Variants in INO80 observed in about 807,000 individuals in gnomAD.
The protein encoded by INO80 is INO80 complex ATPase subunit.
INO80 carries 20 observed loss-of-function variants against 203.4 expected under a neutral mutation model. The ratio of observed to expected loss-of-function variants is 0.10; its 90% CI spans 0.07 to 0.14. The LOEUF is 0.14. INO80 is among the 10% of genes least tolerant of loss of function. INO80 has a pLI of 1.00. For missense variants in INO80, 1,419 were observed against 1,914.4 expected, an observed-to-expected ratio of 0.74 and a Z score of 4.83; for synonymous variants, 726 against 685.2, an observed-to-expected ratio of 1.06 and a Z score of -0.93.
chr15:40,983,829 T>A lies in INO80; in HGVS notation c.4170A>T (p.Ser1390=), dbSNP rs1308242339. The A allele has an allele frequency of 3.1e-6, 5 of 1,613,004 alleles. No individual in the cohort carries two copies. In the South Asian group the frequency reaches 5.5e-5, roughly 18 times the overall value. ...MLVIVDDPAS[S]APQSRATNSP... Reference sequence around the variant, plus strand: ...AGTTGGTAGCTCGAGACTGAGGGGCTGAGGAGGCTGGGTCATCCACAATGA... The same window carrying A: ...AGTTGGTAGCTCGAGACTGAGGGGCAGAGGAGGCTGGGTCATCCACAATGA... The change falls in exon 34 of 36, where the codon TCA becomes TCT. Residue 1390 remains serine, a synonymous_variant. Coordinates refer to ENST00000648947, the MANE Select transcript of INO80 (RefSeq NM_017553.3).
Position 41,027,640 on chromosome 15 carries a change from G to A in INO80, c.3004C>T (p.Leu1002=). The A allele has an allele frequency of 6.2e-7, 1 of 1,614,038 alleles. No individual in the cohort carries two copies. Among genetic ancestry groups the A allele is most frequent in the African/African-American group, 1.3e-5 (1 of 75,064 alleles). ...AAAAAAGATGGCAGCTCAGTGAGCA[G>A]GCAGCGACGCAGCGAGGAGGTAGCT... The part of the protein sequence containing the change: ...RSATSSLRRC[L]LTELPSFLCV... The change falls in exon 25 of 36, where the codon CTG becomes TTG. Residue 1002 remains leucine, a synonymous_variant. Transcript: ENST00000648947.
At chr15:40,997,498 A>C in intron 29 of INO80, 31 bp downstream of exon 29, 1 of 1,419,086 alleles carries the variant, frequency 7.0e-7, no homozygotes, top group South Asian at 1.1e-5. Flanking sequence ...GAAAACCTGC[A>C]TATCTAGTTG....
chr15:40,997,643 G>C, intron 28 of INO80, 42 bp from the exon 29 acceptor site: 1 of 1,306,348 alleles, frequency 7.7e-7, no homozygotes, highest in Non-Finnish European at 1.1e-6. Context: ...AAACTGAAAA[G>C]AAAAAATGGC....
chr15:41,047,879 T>C (rs1477796854), intron 22 of INO80, among the ~76,000 whole-genome samples: 2 of 152,200 alleles, frequency 1.3e-5, no homozygotes, highest in African/African-American at 2.4e-5. Flanking sequence ...AGTAGCTTCT[T>C]TTCCTTAGGC....
chr15:41,046,355 G>T (rs2044767433), intron 23 of INO80, among the ~76,000 whole-genome samples: 1 of 149,488 alleles, frequency 6.7e-6, no homozygotes, highest in African/African-American at 2.5e-5. Flanking sequence ...TCGGCCTCCT[G>T]AGTAGCTGAA....
At chr15:41,034,593 T>C (rs1441118802) in intron 24 of INO80, among the ~76,000 whole-genome samples, 1 of 152,188 alleles carries the variant, frequency 6.6e-6, no homozygotes, top group Admixed American at 6.5e-5. Context: ...AATGAAAAAT[T>C]TTCTGCCTTA....
chr15:41,046,196 C>T (rs954934969), intron 23 of INO80, among the ~76,000 whole-genome samples: 7 of 58,996 alleles, frequency 1.2e-4, no homozygotes, highest in African/African-American at 3.1e-4. Context: ...TCTCTGTGTG[C>T]GTATACATAC....
intron 24 of INO80, among the ~76,000 whole-genome samples, chr15:41,042,756 G>C (rs1172979068): frequency 6.6e-6 from 1 of 151,968 alleles, no homozygotes; most frequent in Non-Finnish European, 1.5e-5. Context: ...TTACAGGTGT[G>C]AGCCACCACG....
chr15:41,060,683 C>T (rs530486812), intron 14 of INO80, among the ~76,000 whole-genome samples: 1 of 152,298 alleles, frequency 6.6e-6, no homozygotes, highest in Admixed American at 6.5e-5. Flanking sequence ...GTAGTAGTAA[C>T]AGTAAATCAT....
chr15:41,047,759 G>C (rs1419238205), intron 22 of INO80, among the ~76,000 whole-genome samples: 1 of 152,196 alleles, frequency 6.6e-6, no homozygotes, highest in Non-Finnish European at 1.5e-5. Context: ...ATTTTTGGAT[G>C]CTTGCCTAAA....
chr15:41,086,353 A>C (rs1389907038), intron 6 of INO80, among the ~76,000 whole-genome samples: 2 of 152,132 alleles, frequency 1.3e-5, no homozygotes, highest in Non-Finnish European at 2.9e-5. Context: ...CTTTTTGAGT[A>C]CAATTCATAC....
chr15:40,998,421 G>T (rs917392832), intron 28 of INO80, among the ~76,000 whole-genome samples: 3 of 152,100 alleles, frequency 2.0e-5, no homozygotes. Context: ...TTGAATTTAG[G>T]ATCAGTCCAT....
intron 12 of INO80, 89 bp downstream of exon 12, chr15:41,071,760 C>T (rs376931715): frequency 8.1e-7 from 1 of 1,235,612 alleles, no homozygotes. Flanking sequence ...CGCGCTCAGC[C>T]AGATCTTGTA....
At chr15:41,060,257 G>T (rs2045077599) in intron 14 of INO80, among the ~76,000 whole-genome samples, 1 of 152,150 alleles carries the variant, frequency 6.6e-6, no homozygotes, top group African/African-American at 2.4e-5. Context: ...AAAAGTTCTA[G>T]TTGAGAGGGT....
intron 28 of INO80, 71 bp from the exon 29 acceptor site, chr15:40,997,672 A>C: frequency 2.1e-6 from 2 of 960,230 alleles, no homozygotes; most frequent in Non-Finnish European, 1.7e-6. Flanking sequence ...ATAGAGAGAG[A>C]TCTCTGAATA....
chr15:41,105,404 CAT>C (rs765348052), intron 1 of INO80, among the ~76,000 whole-genome samples: 24 of 152,258 alleles, frequency 1.6e-4, no homozygotes, highest in Admixed American at 8.5e-4. Context: ...CCAAATGTTT[CAT>C]ATGTGTTTGC....
intron 1 of INO80, among the ~76,000 whole-genome samples, chr15:41,114,225 C>T (rs953563286): frequency 6.6e-6 from 1 of 151,712 alleles, no homozygotes; most frequent in African/African-American, 2.4e-5. Flanking sequence ...CGAGATCACG[C>T]CACTATACTC....
intron 28 of INO80, among the ~76,000 whole-genome samples, chr15:41,003,329 C>CTTTTTTTTTTTTTTT (rs771356698): frequency 1.9e-5 from 2 of 107,576 alleles, no homozygotes; most frequent in Non-Finnish European, 1.9e-5. Context: ...TTTTTCTTTT[C>CTTTTTTTTTTTTTTT]TTTTCTTTTT....
At chr15:41,068,007 C>G (rs1434700066) in intron 14 of INO80, among the ~76,000 whole-genome samples, 1 of 152,200 alleles carries the variant, frequency 6.6e-6, no homozygotes, top group East Asian at 1.9e-4. Context: ...AAATACTTCC[C>G]TGATCACCCC....
Sources: allele counts gnomAD v4.1 joint callset (sites outside exome capture counted in the v4.1 genomes callset), GRCh38; gene constraint gnomAD v4.1.1; transcripts MANE v1.5; gene names NCBI Gene and HGNC (gene_info 2026-07-23, HGNC 2026-07-21).